The following HDAC9 variants were observed in gnomAD, a reference collection of about 807,000 sequenced individuals.
HDAC9 encodes histone deacetylase 9, also known as MEF-2 interacting transcription repressor (MITR) protein.
In HDAC9, 41 loss-of-function variants were observed where a neutral mutation model predicts 139.4. The observed-to-expected ratio is 0.29, with a 90% confidence interval of 0.23 to 0.38. HDAC9 has a LOEUF of 0.38. HDAC9 is among the 10% of genes least tolerant of loss of function. The pLI is 1.00. For missense variants in HDAC9, 1,147 were observed against 1,297.0 expected (o/e 0.88, Z 1.78); for synonymous variants, 517 against 476.2 (o/e 1.09, Z -1.12).
intron 5 of HDAC9, among the ~76,000 whole-genome samples, chr7:18,591,900 G>A (rs944466825): frequency 2.6e-5 from 4 of 152,138 alleles, no homozygotes; most frequent in Non-Finnish European, 2.9e-5. Flanking sequence ...ATAAATGGTA[G>A]CATTTATCAA....
At chr7:18,354,429 C>T (rs187846320) in intron 1 of HDAC9, among the ~76,000 whole-genome samples, 9 of 152,134 alleles carry the variant, frequency 5.9e-5, no homozygotes, top group African/African-American at 2.2e-4. Context: ...AAGCTCTGCT[C>T]TACGGTGCTT....
chr7:18,805,230 A>T (rs1477241265), intron 17 of HDAC9, among the ~76,000 whole-genome samples: 6 of 152,194 alleles, frequency 3.9e-5, no homozygotes, highest in Non-Finnish European at 8.8e-5. Context: ...ATGTCCACAA[A>T]CAGGAGGAGT....
intron 23 of HDAC9, among the ~76,000 whole-genome samples, chr7:18,952,649 A>G (rs1243162803): frequency 2.6e-5 from 4 of 151,992 alleles, no homozygotes; most frequent in Non-Finnish European, 4.4e-5. Flanking sequence ...GAGTTTTCCA[A>G]GTAAGCTTCA....
chr7:18,625,507 C>T (rs998396810), intron 6 of HDAC9, among the ~76,000 whole-genome samples: 3 of 152,168 alleles, frequency 2.0e-5, no homozygotes, highest in Non-Finnish European at 4.4e-5. Context: ...ATACCAGATG[C>T]CTGTAGCAGC....
chr7:18,542,674 A>T (rs527491404), intron 2 of HDAC9, among the ~76,000 whole-genome samples: 3 of 152,322 alleles, frequency 2.0e-5, no homozygotes, highest in South Asian at 4.1e-4. Flanking sequence ...AAATATTTTT[A>T]AAAATACTTC....
intron 2 of HDAC9, among the ~76,000 whole-genome samples, chr7:18,196,793 T>C (rs1014836071): frequency 1.3e-5 from 2 of 152,118 alleles, no homozygotes; most frequent in Non-Finnish European, 2.9e-5. Flanking sequence ...CATAAGGACC[T>C]GAACCGAGAA....
upstream of HDAC9, among the ~76,000 whole-genome samples, chr7:18,289,885 C>T (rs767450798): frequency 1.3e-5 from 2 of 152,122 alleles, no homozygotes; most frequent in Non-Finnish European, 2.9e-5. Context: ...TTCAGAGGGA[C>T]ACATTTGGTA....
intron 1 of HDAC9, among the ~76,000 whole-genome samples, chr7:18,448,293 A>G (rs904113720): frequency 9.2e-5 from 14 of 152,240 alleles, no homozygotes; most frequent in African/African-American, 3.4e-4. Context: ...ACCAAAGAGT[A>G]GATGTTGAAA....
At chr7:18,126,332 G>A (rs923265753) in intron 1 of HDAC9, among the ~76,000 whole-genome samples, 2 of 152,146 alleles carry the variant, frequency 1.3e-5, no homozygotes, top group Non-Finnish European at 2.9e-5. Context: ...GTGAATGATA[G>A]CGTTGGGTCA....
rs375120184 is a variant in HDAC9 at position 18,113,068 on chromosome 7, C to T, written c.-97+25855C>T. 6.6e-5 allele frequency among the ~76,000 whole-genome samples: 10 copies of T among 152,144 alleles called. No individual in the cohort carries two copies. The South Asian group carries it at 1.9e-3, about 29-fold the overall frequency. The stretch of plus-strand genomic sequence containing the variant: ...TATAGACTATTGTGGGAAAATTAAC[C>T]TTGAACACAGGAAGGACCCCTATTC... On this transcript the variant is annotated intron_variant, in intron 1 of 12. Transcript: ENST00000417496.
At chr7:18,598,781 C>A (rs944471955) in intron 6 of HDAC9, among the ~76,000 whole-genome samples, 5 of 152,146 alleles carry the variant, frequency 3.3e-5, no homozygotes, top group Admixed American at 6.5e-5. Flanking sequence ...AAAAGGTGAT[C>A]AATATTTTCT....
At chr7:18,980,228 C>A (rs1003323358) in intron 25 of HDAC9, among the ~76,000 whole-genome samples, 1 of 152,026 alleles carries the variant, frequency 6.6e-6, no homozygotes, top group Non-Finnish European at 1.5e-5. Flanking sequence ...CTCCAATGCC[C>A]AGTTATGTAT....
At chr7:18,916,289 G>T (rs1233002275) in intron 22 of HDAC9, among the ~76,000 whole-genome samples, 1 of 152,024 alleles carries the variant, frequency 6.6e-6, no homozygotes, top group Non-Finnish European at 1.5e-5. Context: ...TGATGTGGTG[G>T]TAGAGATGAA....
At chr7:18,658,851 T>G (rs1450842880) in intron 11 of HDAC9, among the ~76,000 whole-genome samples, 2 of 151,132 alleles carry the variant, frequency 1.3e-5, no homozygotes, top group Non-Finnish European at 2.9e-5. Context: ...GGGAAATGTT[T>G]TATTTTCCAA....
intron 16 of HDAC9, among the ~76,000 whole-genome samples, chr7:18,777,188 C>G (rs1049741897): frequency 5.3e-5 from 8 of 152,008 alleles, no homozygotes; most frequent in Admixed American, 1.3e-4. Flanking sequence ...CTTAGCAGCA[C>G]TGTGTGCTTT....
intron 2 of HDAC9, among the ~76,000 whole-genome samples, chr7:18,534,749 T>C (rs1810302584): frequency 6.6e-6 from 1 of 152,166 alleles, no homozygotes; most frequent in Non-Finnish European, 1.5e-5. Context: ...ACTGTGCAGC[T>C]CTTGTGTCCC....
At chr7:18,697,569 C>T (rs977082165) in intron 12 of HDAC9, among the ~76,000 whole-genome samples, 1 of 152,044 alleles carries the variant, frequency 6.6e-6, no homozygotes, top group African/African-American at 2.4e-5. Flanking sequence ...CTTTTTGTCC[C>T]ACTCCCTTTT....
At chr7:18,578,210 G>C (rs1463806984) in intron 2 of HDAC9, 2 of 518,976 alleles carry the variant, frequency 3.9e-6, no homozygotes, top group East Asian at 5.4e-5. Flanking sequence ...TTGGGCTTTG[G>C]CTGGGCTTCT....
In HDAC9 at chr7:18,622,769, A is replaced by G. The variant is rs557698946; in HGVS notation, c.665-6581A>G. On this transcript the variant is annotated intron_variant, in intron 6 of 25. Coordinates refer to ENST00000686413, the MANE Select transcript of HDAC9 (RefSeq NM_178425.4). ...TGATAATTTTCAATAAGAATGAAGA[A>G]CTTCTACATACCACACAATGTGGTA... is the stretch of plus-strand genomic sequence containing the variant. 1.3e-4 allele frequency among the ~76,000 whole-genome samples: 20 copies of G among 152,250 alleles called. No individual in the cohort carries two copies. The South Asian group carries it at 2.5e-3, about 19-fold the overall frequency.
Sources: allele counts gnomAD v4.1 joint callset (sites outside exome capture counted in the v4.1 genomes callset), GRCh38; gene constraint gnomAD v4.1.1; transcripts MANE v1.5; gene names NCBI Gene and HGNC (gene_info 2026-07-23, HGNC 2026-07-21).